The following DCBLD2 variants were observed in gnomAD, a reference collection of about 807,000 sequenced individuals.
The protein encoded by DCBLD2 is discoidin, CUB and LCCL domain containing 2.
A neutral mutation model predicts 86.8 loss-of-function variants in DCBLD2; 54 were observed. The observed-to-expected ratio is 0.62, with a 90% CI of 0.50 to 0.78. The LOEUF (loss-of-function observed/expected upper bound fraction) is 0.78, where lower values mean the gene tolerates loss of function less well. Ranked by LOEUF, DCBLD2 falls within the 30% of genes least tolerant of loss-of-function variation. The probability of loss-of-function intolerance (pLI) is 0.00; values close to 1 mark genes in which losing one functional copy is unlikely to be tolerated. For missense variants in DCBLD2, 908 were observed against 954.2 expected (o/e 0.95, Z 0.64); for synonymous variants, 354 against 341.3 (o/e 1.04, Z -0.41).
chr3:98,827,560 C>T (rs1576166420), intron 3 of DCBLD2, among the ~76,000 whole-genome samples: 1 of 152,098 alleles, frequency 6.6e-6, no homozygotes, highest in African/African-American at 2.4e-5. Context: ...TAAAGTTGCT[C>T]TCAAATTCCA....
intron 1 of DCBLD2, among the ~76,000 whole-genome samples, chr3:98,900,155 G>T (rs973508908): frequency 2.0e-5 from 3 of 152,134 alleles, no homozygotes; most frequent in Non-Finnish European, 4.4e-5. Flanking sequence ...GACAGGCCAT[G>T]ATTCCATACT....
chr3:98,839,147 CTT>C (rs1411211768), intron 3 of DCBLD2, among the ~76,000 whole-genome samples: 2 of 4,190 alleles, frequency 4.8e-4, no homozygotes, highest in African/African-American at 5.4e-4. Flanking sequence ...TTCCTTCCTT[CTT>C]TCTTTCTTTC....
chr3:98,883,151 A>T (rs1261119204), intron 1 of DCBLD2, among the ~76,000 whole-genome samples: 1 of 152,126 alleles, frequency 6.6e-6, no homozygotes, highest in Non-Finnish European at 1.5e-5. Flanking sequence ...TGTGGTTTTG[A>T]TCTGCATTCT....
chr3:98,836,970 GCTC>G (rs1942475196), intron 3 of DCBLD2, among the ~76,000 whole-genome samples: 2 of 72,576 alleles, frequency 2.8e-5, no homozygotes, highest in African/African-American at 1.2e-4. Flanking sequence ...GGGCAGAGGG[GCTC>G]CTCACTTCCC....
rs186856331 is a variant in DCBLD2 at position 98,800,729 on chromosome 3, G to A, written c.1721-13C>T. ...CCTTTCCACCAACCTTCATTGTGAC[G>A]GCAAGCCAAAGAGACCATTAAATAA... On this transcript the variant is annotated splice_polypyrimidine_tract_variant and intron_variant, in intron 14 of 15. Coordinates refer to ENST00000326840, the MANE Select transcript of DCBLD2 (RefSeq NM_080927.4). 1.1e-4 allele frequency: 172 copies of A among 1,613,680 alleles called. 1 individual carries two copies. In the East Asian group the frequency reaches 2.9e-3, roughly 28 times the overall value.
At chr3:98,846,912 C>A (rs940344624) in intron 3 of DCBLD2, among the ~76,000 whole-genome samples, 3 of 151,904 alleles carry the variant, frequency 2.0e-5, no homozygotes, top group Non-Finnish European at 2.9e-5. Context: ...TTTCCAGAAA[C>A]CTTCAACTTG....
intron 2 of DCBLD2, among the ~76,000 whole-genome samples, chr3:98,852,358 T>G (rs746520327): frequency 3.5e-4 from 53 of 152,088 alleles, no homozygotes; most frequent in Non-Finnish European, 7.1e-4. Context: ...GCAATTCTCC[T>G]GTCTCAGCCT....
At chr3:98,840,101 G>C (rs926748274) in intron 3 of DCBLD2, among the ~76,000 whole-genome samples, 2 of 152,176 alleles carry the variant, frequency 1.3e-5, no homozygotes, top group Admixed American at 6.5e-5. Context: ...GGTAGAGTGA[G>C]ATGAAACTTT....
intron 3 of DCBLD2, among the ~76,000 whole-genome samples, chr3:98,833,712 G>C (rs1270157681): frequency 1.3e-5 from 2 of 152,170 alleles, no homozygotes; most frequent in African/African-American, 4.8e-5. Flanking sequence ...CCACTTTTTG[G>C]TGAGATGGGT....
chr3:98,888,053 G>A (rs1336335834), intron 1 of DCBLD2, among the ~76,000 whole-genome samples: 1 of 151,988 alleles, frequency 6.6e-6, no homozygotes, highest in Non-Finnish European at 1.5e-5. Flanking sequence ...GCCTTTTCCA[G>A]AGCATCAAAC....
At chr3:98,871,683 T>G (rs1470152039) in intron 2 of DCBLD2, among the ~76,000 whole-genome samples, 3 of 152,182 alleles carry the variant, frequency 2.0e-5, no homozygotes, top group African/African-American at 7.2e-5. Context: ...TGCTAGAATT[T>G]TGTTGAGGAT....
At chr3:98,882,995 A>G (rs1943498597) in intron 1 of DCBLD2, among the ~76,000 whole-genome samples, 1 of 152,206 alleles carries the variant, frequency 6.6e-6, no homozygotes, top group Non-Finnish European at 1.5e-5. Flanking sequence ...AGGAATCGCC[A>G]CACTGTCTTC....
At chr3:98,866,608 C>G (rs1261266434) in intron 2 of DCBLD2, among the ~76,000 whole-genome samples, 1 of 152,004 alleles carries the variant, frequency 6.6e-6, no homozygotes, top group African/African-American at 2.4e-5. Context: ...CAATATTAGC[C>G]CTTTGTCTGA....
intron 2 of DCBLD2, among the ~76,000 whole-genome samples, chr3:98,862,207 G>A (rs567886131): frequency 6.6e-6 from 1 of 152,188 alleles, no homozygotes; most frequent in South Asian, 2.1e-4. Flanking sequence ...CCAATAACAG[G>A]CTCTGAAATT....
chr3:98,877,855 T>C (rs1398006534), intron 2 of DCBLD2, among the ~76,000 whole-genome samples: 5 of 152,060 alleles, frequency 3.3e-5, no homozygotes, highest in Admixed American at 1.3e-4. Flanking sequence ...CCAAAGGACA[T>C]AGGAGCTAGC....
rs893657084 is a variant in DCBLD2 at position 98,901,549 on chromosome 3, G to A, written c.-223C>T. 6 of 370,044 alleles carry A rather than the reference G, an allele frequency of 1.6e-5. No individual in the cohort carries two copies. Among genetic ancestry groups the A allele is most frequent in the Non-Finnish European group, 2.3e-5 (5 of 215,110 alleles). 22.9% of individuals were successfully genotyped at this position (370,044 alleles called of 1,614,324 possible). On this transcript the variant is annotated 5_prime_UTR_variant, in exon 1 of 16. Coordinates refer to ENST00000326840, the MANE Select transcript of DCBLD2 (RefSeq NM_080927.4). ...CGCCGAGACCCCAGGCCGGAGCGCA[G>A]GGGAGGGGAGGGAAGGAAGCGGAGT...
intron 1 of DCBLD2, among the ~76,000 whole-genome samples, chr3:98,900,307 A>C (rs1009999109): frequency 1.3e-5 from 2 of 152,228 alleles, no homozygotes; most frequent in Non-Finnish European, 2.9e-5. Context: ...TGCAATGGAA[A>C]TATCTTTTCA....
intron 12 of DCBLD2, among the ~76,000 whole-genome samples, chr3:98,808,601 T>C (rs1350243769): frequency 6.6e-6 from 1 of 152,142 alleles, no homozygotes; most frequent in African/African-American, 2.4e-5. Context: ...ATTAAATATG[T>C]TAACTTCACT....
chr3:98,826,164 T>TAA (rs5851139), intron 3 of DCBLD2, among the ~76,000 whole-genome samples: 1 of 150,704 alleles, frequency 6.6e-6, no homozygotes, highest in East Asian at 1.9e-4. Context: ...TGGCTTTGGT[T>TAA]AAAAAAAAAG....
Sources: allele counts gnomAD v4.1 joint callset (sites outside exome capture counted in the v4.1 genomes callset), GRCh38; gene constraint gnomAD v4.1.1; transcripts MANE v1.5; gene names NCBI Gene and HGNC (gene_info 2026-07-23, HGNC 2026-07-21).